Variants in MCTP1 observed in about 807,000 individuals in gnomAD.
MCTP1 encodes multiple C2 and transmembrane domain containing 1.
Under a neutral mutation model 120.6 loss-of-function variants are expected in MCTP1, and 69 were observed. The ratio of observed to expected loss-of-function variants is 0.57; its 90% CI spans 0.47 to 0.70. The LOEUF is 0.70. Among genes scored for constraint, MCTP1 ranks in the 30% least tolerant of loss-of-function variants. The probability of loss-of-function intolerance (pLI) is 0.00; values close to 1 mark genes in which losing one functional copy is unlikely to be tolerated. For synonymous variants in MCTP1, 529 were observed against 493.1 expected, an observed-to-expected ratio of 1.07 and a Z score of -0.96; for missense variants, 1,203 against 1,248.8, an observed-to-expected ratio of 0.96 and a Z score of 0.55.
chr5:95,010,136 A>G (rs1367704132), intron 2 of MCTP1, among the ~76,000 whole-genome samples: 1 of 152,104 alleles, frequency 6.6e-6, no homozygotes, highest in Non-Finnish European at 1.5e-5. Context: ...CATTAATTCT[A>G]ATAGTTATAC....
chr5:95,137,400 A>G (rs1407383902), intron 1 of MCTP1, among the ~76,000 whole-genome samples: 2 of 152,236 alleles, frequency 1.3e-5, no homozygotes, highest in African/African-American at 4.8e-5. Flanking sequence ...GAATGCTTGT[A>G]AAACACTTTG....
At chr5:94,788,338 T>C (rs1778188420) in intron 18 of MCTP1, among the ~76,000 whole-genome samples, 1 of 152,206 alleles carries the variant, frequency 6.6e-6, no homozygotes, top group African/African-American at 2.4e-5. Context: ...TAAAGTTGTA[T>C]GCTCTTGACA....
At chr5:94,842,594 C>T (rs1418550553) in intron 17 of MCTP1, among the ~76,000 whole-genome samples, 2 of 152,196 alleles carry the variant, frequency 1.3e-5, no homozygotes, top group Non-Finnish European at 2.9e-5. Flanking sequence ...CAAGCAATTC[C>T]TTCCTCTTAT....
At chr5:94,761,073 G>A (rs1177456016) in intron 19 of MCTP1, among the ~76,000 whole-genome samples, 1 of 152,198 alleles carries the variant, frequency 6.6e-6, no homozygotes, top group African/African-American at 2.4e-5. Flanking sequence ...AATATGAACT[G>A]TTGGCAGTTT....
intron 1 of MCTP1, among the ~76,000 whole-genome samples, chr5:95,200,123 T>C (rs546514491): frequency 6.7e-6 from 1 of 150,036 alleles, no homozygotes; most frequent in East Asian, 2.0e-4. Context: ...ATCGTGCCAC[T>C]GCACTCCAGC....
chr5:94,729,512 C>T (rs306581), intron 19 of MCTP1, among the ~76,000 whole-genome samples: 134,425 of 152,190 alleles, frequency 0.88, 59,493 homozygotes, highest in African/African-American at 0.93. Flanking sequence ...GTCCTGTTTT[C>T]TTCCTTCTTC....
At position 94,783,523 on chromosome 5, in the gene MCTP1, C is replaced by T. The variant is rs201331036; in HGVS notation, c.2557-4360G>A. Reference sequence around the variant, plus strand: ...GTCAATAATCTGAATAAAAACATGACATGTTTGGTATTATTCTCCCGGAAC... The same window carrying T: ...GTCAATAATCTGAATAAAAACATGATATGTTTGGTATTATTCTCCCGGAAC... On this transcript the variant is annotated intron_variant, in intron 18 of 22. Transcript: ENST00000515393. Among the ~76,000 whole-genome samples the T allele has an allele frequency of 7.9e-5, 12 of 152,054 alleles. No homozygotes were observed. In the East Asian group the frequency reaches 1.9e-3, roughly 24 times the overall value.
At chr5:95,198,637 C>T (rs900884377) in intron 1 of MCTP1, among the ~76,000 whole-genome samples, 3 of 152,116 alleles carry the variant, frequency 2.0e-5, no homozygotes, top group East Asian at 3.8e-4. Flanking sequence ...TAGTTTTTAG[C>T]GTCTTTTCCC....
intron 1 of MCTP1, among the ~76,000 whole-genome samples, chr5:95,257,846 A>G (rs948485625): frequency 1.2e-3 from 43 of 35,954 alleles, no homozygotes; most frequent in African/African-American, 4.5e-3. Flanking sequence ...GGAGTATATC[A>G]AAGGGGCACT....
intron 1 of MCTP1, among the ~76,000 whole-genome samples, chr5:95,020,197 T>A (rs946288464): frequency 6.6e-6 from 1 of 152,058 alleles, no homozygotes; most frequent in Non-Finnish European, 1.5e-5. Flanking sequence ...TATTCTGTAG[T>A]CTTCATTGCT....
At chr5:94,846,684 T>C (rs1164027796) in intron 17 of MCTP1, among the ~76,000 whole-genome samples, 1 of 151,318 alleles carries the variant, frequency 6.6e-6, no homozygotes, top group African/African-American at 2.4e-5. Flanking sequence ...CTGAAGAGAG[T>C]TGGATTTGAG....
At chr5:94,931,592 C>A (rs971166227) in intron 6 of MCTP1, 2 of 189,126 alleles carry the variant, frequency 1.1e-5, no homozygotes, top group Non-Finnish European at 1.1e-5. Flanking sequence ...CTGTGACCCC[C>A]CAAAATAAAA....
chr5:94,943,637 A>C (rs1818245873), intron 3 of MCTP1, among the ~76,000 whole-genome samples: 1 of 152,164 alleles, frequency 6.6e-6, no homozygotes, highest in Non-Finnish European at 1.5e-5. Flanking sequence ...CAACGCTTAC[A>C]GTTTAGTGAG....
intron 1 of MCTP1, among the ~76,000 whole-genome samples, chr5:95,145,330 T>C (rs1760293701): frequency 6.6e-6 from 1 of 152,182 alleles, no homozygotes; most frequent in African/African-American, 2.4e-5. Context: ...TATAGAATTA[T>C]ATATTCAGCA....
At chr5:94,940,299 C>T in intron 4 of MCTP1, 104 bp from the exon 5 acceptor site, 2 of 632,730 alleles carry the variant, frequency 3.2e-6, no homozygotes. Context: ...ATTTTGTCTT[C>T]CTTTACTTTC....
intron 2 of MCTP1, among the ~76,000 whole-genome samples, chr5:95,017,163 A>G (rs1054489631): frequency 6.6e-6 from 1 of 152,142 alleles, no homozygotes; most frequent in South Asian, 2.1e-4. Flanking sequence ...GGTTGAGAAT[A>G]AGTCAGAGTT....
In MCTP1 at chr5:94,710,855, C is replaced by T; in HGVS notation, c.2793G>A (p.Leu931=). 6.2e-7 allele frequency: 1 copy of T among 1,613,000 alleles called. No homozygotes were observed. Among genetic ancestry groups the T allele is most frequent in the Non-Finnish European group, 8.5e-7 (1 of 1,179,332 alleles). The change falls in exon 21 of 23, where the codon CTG becomes CTA. Residue 931 remains leucine, a synonymous_variant. Coordinates refer to ENST00000515393, the MANE Select transcript of MCTP1 (RefSeq NM_024717.7). ...CAATGTATCTCAGCGGAATGCAGTA[C>T]AGGATGGCTGTGAACACACAGAGGG... is the stretch of plus-strand genomic sequence containing the variant. ...IVALCVFTAI[L]YCIPLRYIVL...
intron 1 of MCTP1, among the ~76,000 whole-genome samples, chr5:95,147,691 C>T (rs1001357790): frequency 6.6e-6 from 1 of 152,090 alleles, no homozygotes; most frequent in African/African-American, 2.4e-5. Context: ...GGGCTTAGAT[C>T]ATTTATATTC....
chr5:95,281,599 T>C (rs1223134580), intron 1 of MCTP1, among the ~76,000 whole-genome samples: 1 of 152,234 alleles, frequency 6.6e-6, no homozygotes, highest in Non-Finnish European at 1.5e-5. Context: ...GGTTTACCAT[T>C]CTGTCTGCCT....
Sources: gnomAD v4.1 joint callset for allele counts (sites outside exome capture counted in the v4.1 genomes callset) on GRCh38, gnomAD v4.1.1 for gene constraint, MANE v1.5 for transcripts, NCBI Gene and HGNC (gene_info 2026-07-23, HGNC 2026-07-21) for gene names.